Variants in NRG1 observed in about 807,000 individuals in gnomAD.
NRG1 encodes pro-neuregulin-1, membrane-bound isoform.
NRG1 carries 18 observed loss-of-function variants against 63.8 expected under a neutral mutation model. The observed-to-expected ratio is 0.28, with a 90% CI of 0.19 to 0.42. The LOEUF is 0.42. NRG1 is among the 10% of genes least tolerant of loss of function. The pLI, the probability that NRG1 is intolerant of heterozygous loss-of-function variation, is 1.00. For missense variants in NRG1, 762 were observed against 814.7 expected (o/e 0.94, Z 0.79); for synonymous variants, 302 against 301.3 (o/e 1.00, Z -0.02).
At chr8:31,925,771 T>C (rs971621176) in intron 1 of NRG1, among the ~76,000 whole-genome samples, 5 of 152,214 alleles carry the variant, frequency 3.3e-5, no homozygotes, top group Admixed American at 3.3e-4. Context: ...AATTCAATTA[T>C]AGAACTTTCT....
chr8:32,759,342 A>G, exon 10 of NRG1: 1 of 1,613,890 alleles, frequency 6.2e-7, no homozygotes, highest in Non-Finnish European at 8.5e-7. Flanking sequence ...CAGTGAGCAT[A>G]TTGTTGAGAG....
chr8:31,756,388 T>C (rs1816967936), intron 1 of NRG1, among the ~76,000 whole-genome samples: 1 of 152,100 alleles, frequency 6.6e-6, no homozygotes, highest in African/African-American at 2.4e-5. Context: ...GCTTGTTTTG[T>C]GCTGAAAGAA....
intron 1 of NRG1, among the ~76,000 whole-genome samples, chr8:32,355,201 G>A (rs1172318805): frequency 1.3e-5 from 2 of 152,178 alleles, no homozygotes; most frequent in African/African-American, 4.8e-5. Flanking sequence ...GCTCACTTGT[G>A]TAATCCTAGC....
intron 1 of NRG1, among the ~76,000 whole-genome samples, chr8:32,570,043 G>A (rs899328963): frequency 6.6e-6 from 1 of 151,652 alleles, no homozygotes; most frequent in African/African-American, 2.4e-5. Context: ...GAGTAGCTGG[G>A]ATTACAGGCA....
intron 1 of NRG1, among the ~76,000 whole-genome samples, chr8:31,880,266 G>A (rs932372454): frequency 6.6e-6 from 1 of 152,098 alleles, no homozygotes; most frequent in Non-Finnish European, 1.5e-5. Context: ...TAGGGAGGGG[G>A]CAGAGACTCT....
In NRG1 at chr8:32,353,819, A is replaced by G. The variant is rs75511730; in HGVS notation, c.38-242009A>G. Among the ~76,000 whole-genome samples the G allele has an allele frequency of 3.8e-3, 575 of 152,322 alleles. 3 individuals are homozygous for G. The highest frequency in any genetic ancestry group is 0.013 in the African/African-American group (540 of 41,580). On this transcript the variant is annotated intron_variant, in intron 1 of 10. Transcript: ENST00000519301. ...TAAGCCAGCCAGTCCACTCCTGGGT[A>G]TTTACTCAAGAGAAATGAAAGCCTA... is the stretch of plus-strand genomic sequence containing the variant.
At chr8:31,975,932 A>G (rs7815849) in intron 1 of NRG1, among the ~76,000 whole-genome samples, 109,139 of 152,064 alleles carry the variant, frequency 0.72, 40,589 homozygotes, top group Non-Finnish European at 0.82. Context: ...TTTTTCACAA[A>G]GTTTCCTTTG....
At chr8:32,387,309 C>A (rs1447981490) in intron 1 of NRG1, among the ~76,000 whole-genome samples, 1 of 152,116 alleles carries the variant, frequency 6.6e-6, no homozygotes, top group African/African-American at 2.4e-5. Flanking sequence ...AAGTTCAGAA[C>A]ATGAGAAAGA....
chr8:31,712,559 C>T (rs184848695), intron 1 of NRG1, among the ~76,000 whole-genome samples: 7 of 152,220 alleles, frequency 4.6e-5, no homozygotes, highest in Non-Finnish European at 5.9e-5. Context: ...TGAGCCACTG[C>T]GCCCAGCCCA....
chr8:32,438,891 T>G (rs1819132342), intron 1 of NRG1, among the ~76,000 whole-genome samples: 5 of 152,274 alleles, frequency 3.3e-5, no homozygotes, highest in Middle Eastern at 3.4e-3. Context: ...GTTTTTTGAC[T>G]GTTGAGTTTT....
chr8:31,972,149 A>G (rs1470229140), intron 1 of NRG1, among the ~76,000 whole-genome samples: 2 of 152,062 alleles, frequency 1.3e-5, no homozygotes, highest in Admixed American at 6.6e-5. Flanking sequence ...TTATATAATA[A>G]TCTATCCTTC....
intron 1 of NRG1, among the ~76,000 whole-genome samples, chr8:31,839,692 A>G (rs1278745780): frequency 3.3e-5 from 5 of 152,196 alleles, no homozygotes; most frequent in African/African-American, 7.2e-5. Context: ...GTCAGTCACA[A>G]AATGAAAACA....
intron 1 of NRG1, among the ~76,000 whole-genome samples, chr8:31,925,465 T>C (rs2129619459): frequency 6.6e-6 from 1 of 152,218 alleles, no homozygotes; most frequent in Non-Finnish European, 1.5e-5. Context: ...AAATTTATCG[T>C]GCTTGAGTTT....
intron 1 of NRG1, among the ~76,000 whole-genome samples, chr8:32,234,385 C>T (rs1847314298): frequency 6.6e-6 from 1 of 152,154 alleles, no homozygotes; most frequent in Non-Finnish European, 1.5e-5. Context: ...CAGATTTAAC[C>T]TTCACAACAA....
intron 1 of NRG1, among the ~76,000 whole-genome samples, chr8:32,468,712 T>C (rs1470280719): frequency 1.5e-5 from 2 of 130,728 alleles, no homozygotes; most frequent in Admixed American, 1.6e-4. Flanking sequence ...TTGAGCAATT[T>C]AACATTACAG....
intron 1 of NRG1, among the ~76,000 whole-genome samples, chr8:32,299,930 C>T (rs2129475031): frequency 6.6e-6 from 1 of 152,220 alleles, no homozygotes; most frequent in East Asian, 1.9e-4. Flanking sequence ...CCATATCACT[C>T]CCTAAGACTA....
chr8:32,175,116 CA>C (rs1166775536), intron 1 of NRG1, among the ~76,000 whole-genome samples: 8 of 152,172 alleles, frequency 5.3e-5, no homozygotes, highest in African/African-American at 1.9e-4. Flanking sequence ...AGCAGCACAT[CA>C]AAAAGCTGAT....
intron 1 of NRG1, among the ~76,000 whole-genome samples, chr8:31,900,210 A>G (rs1342534437): frequency 6.6e-6 from 1 of 152,230 alleles, no homozygotes; most frequent in Non-Finnish European, 1.5e-5. Flanking sequence ...ATGTGAAAAT[A>G]CTTAAGTAAT....
At chr8:31,884,949 G>C (rs1563525189) in intron 1 of NRG1, among the ~76,000 whole-genome samples, 2 of 152,118 alleles carry the variant, frequency 1.3e-5, no homozygotes, top group South Asian at 4.1e-4. Context: ...AGTAACTATG[G>C]CTTTGTAAAA....
Sources: allele counts gnomAD v4.1 joint callset (sites outside exome capture counted in the v4.1 genomes callset), GRCh38; gene constraint gnomAD v4.1.1; transcripts MANE v1.5; gene names NCBI Gene and HGNC (gene_info 2026-07-23, HGNC 2026-07-21).